The following CDK5RAP2 variants were observed in gnomAD, a reference collection of about 807,000 sequenced individuals.
The protein encoded by CDK5RAP2 is CDK5 regulatory subunit associated protein 2.
A neutral mutation model predicts 232.9 loss-of-function variants in CDK5RAP2; 147 were observed. The ratio of observed to expected loss-of-function variants is 0.63; its 90% CI spans 0.55 to 0.72. The LOEUF (loss-of-function observed/expected upper bound fraction) is 0.72. Ranked by LOEUF, CDK5RAP2 falls within the 30% of genes least tolerant of loss-of-function variation. The pLI is 0.00. For missense variants in CDK5RAP2, 2,195 were observed against 2,231.5 expected (o/e 0.98, Z 0.33); for synonymous variants, 833 against 833.7 (o/e 1.00, Z 0.01).
chr9:120,395,441 A>G (rs367705506), intron 35 of CDK5RAP2, among the ~76,000 whole-genome samples: 1 of 152,282 alleles, frequency 6.6e-6, no homozygotes, highest in Non-Finnish European at 1.5e-5. Flanking sequence ...GGTTTTCCAG[A>G]GTAAACTCTG....
At chr9:120,405,857 C>A (rs977910384) in intron 32 of CDK5RAP2, among the ~76,000 whole-genome samples, 1 of 152,126 alleles carries the variant, frequency 6.6e-6, no homozygotes, top group South Asian at 2.1e-4. Flanking sequence ...TGTGAAAGCA[C>A]AGGGAACATG....
intron 11 of CDK5RAP2, among the ~76,000 whole-genome samples, chr9:120,521,935 G>A (rs1196156355): frequency 4.6e-5 from 7 of 152,040 alleles, no homozygotes; most frequent in Admixed American, 2.0e-4. Context: ...ACGAGCCACC[G>A]CACCTGGCCT....
intron 18 of CDK5RAP2, among the ~76,000 whole-genome samples, chr9:120,463,216 A>G (rs2037188970): frequency 6.6e-6 from 1 of 152,114 alleles, no homozygotes; most frequent in African/African-American, 2.4e-5. Context: ...CTAAAAATTA[A>G]AAAAATTAGC....
At chr9:120,569,284 G>A (rs1361589858) in intron 2 of CDK5RAP2, among the ~76,000 whole-genome samples, 1 of 152,132 alleles carries the variant, frequency 6.6e-6, no homozygotes. Context: ...GGAAACATCA[G>A]GAAACAAACA....
At chr9:120,532,841 TC>T (rs1315905352) in intron 7 of CDK5RAP2, among the ~76,000 whole-genome samples, 3 of 152,180 alleles carry the variant, frequency 2.0e-5, no homozygotes, top group Non-Finnish European at 2.9e-5. Context: ...AAAGCTCTGA[TC>T]CGACATCCAT....
chr9:120,571,851 C>A, intron 2 of CDK5RAP2, 123 bp downstream of exon 2: 1 of 756,572 alleles, frequency 1.3e-6, no homozygotes, highest in South Asian at 1.4e-5. Context: ...TACTGAGCAC[C>A]TACGGTGTGC....
chr9:120,409,397 A>G, intron 29 of CDK5RAP2, 81 bp from the exon 30 acceptor site: 3 of 998,318 alleles, frequency 3.0e-6, no homozygotes, highest in East Asian at 5.2e-5. Flanking sequence ...GCACTTCAAG[A>G]ATACAAAAAA....
rs1426888931 is a variant in CDK5RAP2 at position 120,568,203 on chromosome 9, C to G, written c.195+118G>C. The G allele has an allele frequency of 8.6e-6, 7 of 811,286 alleles. No individual in the cohort carries two copies. In the Admixed American group the frequency reaches 1.2e-4, roughly 14 times the overall value. 50.3% of individuals were successfully genotyped at this position (811,286 alleles called of 1,614,324 possible). On this transcript the variant is annotated intron_variant, in intron 3 of 37. Transcript: ENST00000349780. The stretch of plus-strand genomic sequence containing the variant: ...AGAAGATGTCCATGAGACATGGCAC[C>G]CCCCTGCCTCTGGCATCACCGAACT...
intron 35 of CDK5RAP2, among the ~76,000 whole-genome samples, chr9:120,397,955 T>A (rs1001591419): frequency 6.6e-6 from 1 of 152,114 alleles, no homozygotes; most frequent in Admixed American, 6.5e-5. Flanking sequence ...ATCCATAGGG[T>A]TCTCTCCCTC....
chr9:120,553,593 T>C (rs1283252445), intron 3 of CDK5RAP2, among the ~76,000 whole-genome samples: 2 of 152,134 alleles, frequency 1.3e-5, no homozygotes, highest in South Asian at 2.1e-4. Context: ...GAAAAGTGCA[T>C]AGTGCTTGGA....
intron 12 of CDK5RAP2, among the ~76,000 whole-genome samples, chr9:120,496,387 G>A (rs2039240160): frequency 6.8e-6 from 1 of 146,788 alleles, no homozygotes; most frequent in Non-Finnish European, 1.5e-5. Context: ...GGTGGGGGGG[G>A]GGTCAGCCCC....
At chr9:120,476,380 G>A (rs923957947) in intron 15 of CDK5RAP2, among the ~76,000 whole-genome samples, 18 of 152,050 alleles carry the variant, frequency 1.2e-4, no homozygotes, top group African/African-American at 4.3e-4. Flanking sequence ...TATCCTTTCA[G>A]CTGTACCCAT....
chr9:120,446,116 C>A (rs575508092), intron 22 of CDK5RAP2, among the ~76,000 whole-genome samples: 1 of 152,192 alleles, frequency 6.6e-6, no homozygotes, highest in African/African-American at 2.4e-5. Context: ...TCTATGGTAA[C>A]TACTCAATTC....
chr9:120,430,343 A>C lies in CDK5RAP2; in HGVS notation c.3955+6952T>G, dbSNP rs2035206465. Among the ~76,000 whole-genome samples, 6 of 152,086 alleles carry C rather than the reference A, an allele frequency of 3.9e-5. No individual in the cohort carries two copies. The South Asian group carries it at 1.2e-3, about 32-fold the overall frequency. On this transcript the variant is annotated intron_variant, in intron 25 of 37. Coordinates refer to ENST00000349780, the MANE Select transcript of CDK5RAP2 (RefSeq NM_018249.6). The stretch of plus-strand genomic sequence containing the variant: ...ACAGGCAACCTACAAAATGGGAGAA[A>C]ATTTTTGCAACCTACTCATCTGACA...
intron 20 of CDK5RAP2, among the ~76,000 whole-genome samples, chr9:120,457,800 T>A (rs1421982560): frequency 1.3e-5 from 2 of 152,236 alleles, no homozygotes; most frequent in African/African-American, 4.8e-5. Flanking sequence ...GTTTTTTTCT[T>A]ATTCATCACA....
Position 120,477,364 on chromosome 9 carries a change from C to T in CDK5RAP2, c.1713G>A (p.Leu571=), listed in dbSNP as rs2038071251. 1.1e-5 allele frequency: 18 copies of T among 1,613,198 alleles called. No individual in the cohort carries two copies. The highest frequency in any genetic ancestry group is 1.4e-5 in the Non-Finnish European group (17 of 1,179,496). Residue 571 remains leucine, a synonymous_variant, in exon 15 of 38, where the codon CTG becomes CTA. Transcript: ENST00000349780. ...GAAACGCTTACCTGTCTGATTCCTG[C>T]AGAGATTTGACCAGATGGGTATAGA... ...QDIYTHLVKS[L]QESDSINNLQ... is the part of the protein sequence containing the mutation.
At chr9:120,575,776 A>G (rs2043011506) in intron 1 of CDK5RAP2, among the ~76,000 whole-genome samples, 3 of 152,358 alleles carry the variant, frequency 2.0e-5, no homozygotes, top group Middle Eastern at 3.4e-3. Context: ...TATAACTTCC[A>G]GAACTTTTTA....
Position 120,400,838 on chromosome 9 carries a change from C to T in CDK5RAP2, c.5355G>A (p.Thr1785=), listed in dbSNP as rs145402135. 4.8e-4 allele frequency: 782 copies of T among 1,614,118 alleles called. 7 individuals carry two copies. The African/African-American group carries it at 9.2e-3, about 19-fold the overall frequency. Reference sequence around the variant, plus strand: ...AGGCCTCTTCCAGGGTCAGCTTGGCCGTGCTCACACTGCTCACAAACTTGC... The same window carrying T: ...AGGCCTCTTCCAGGGTCAGCTTGGCTGTGCTCACACTGCTCACAAACTTGC... The part of the protein sequence containing the change: ...PLSKFVSSVS[T]AKLTLEEAYR... The change falls in exon 35 of 38, where the codon ACG becomes ACA. Residue 1785 remains threonine (T), a synonymous_variant. Coordinates refer to ENST00000349780, the MANE Select transcript of CDK5RAP2 (RefSeq NM_018249.6).
At chr9:120,571,057 AC>A (rs759888299) in intron 2 of CDK5RAP2, among the ~76,000 whole-genome samples, 2,713 of 152,274 alleles carry the variant, frequency 0.018, 39 homozygotes, top group Non-Finnish European at 0.027. Context: ...TACTAGGGAG[AC>A]TGAGATGGAG....
Sources: allele counts gnomAD v4.1 joint callset (sites outside exome capture counted in the v4.1 genomes callset), GRCh38; gene constraint gnomAD v4.1.1; transcripts MANE v1.5; gene names NCBI Gene and HGNC (gene_info 2026-07-23, HGNC 2026-07-21).